Variants in INAVA observed in about 807,000 individuals in gnomAD.
The protein encoded by INAVA is innate immunity activator protein.
INAVA carries 32 observed loss-of-function variants against 55.3 expected under a neutral mutation model. The observed-to-expected ratio is 0.58, with a 90% CI of 0.44 to 0.78. INAVA has a LOEUF of 0.78. Among genes scored for constraint, INAVA ranks in the 30% least tolerant of loss-of-function variants. The pLI, the probability that INAVA is intolerant of heterozygous loss-of-function variation, is 0.00. For synonymous variants in INAVA, 294 were observed against 329.4 expected, an observed-to-expected ratio of 0.89 and a Z score of 1.16; for missense variants, 756 against 786.4, an observed-to-expected ratio of 0.96 and a Z score of 0.46.
At chr1:200,912,212 T>C in intron 9 of INAVA, 75 bp downstream of exon 9, 1 of 1,340,074 alleles carries the variant, frequency 7.5e-7, no homozygotes, top group East Asian at 2.5e-5. Context: ...AATTCTAGTA[T>C]GTCCAAGGGT....
chr1:200,901,148 C>T lies in INAVA; in HGVS notation c.509C>T (p.Pro170Leu), dbSNP rs750580083. 68 of 1,515,792 alleles carry T rather than the reference C, an allele frequency of 4.5e-5. No homozygotes were observed. Among genetic ancestry groups the T allele is most frequent in the Non-Finnish European group, 5.4e-5 (61 of 1,134,128 alleles). 93.9% of individuals were successfully genotyped at this position (1,515,792 alleles called of 1,614,324 possible). A position where few individuals can be genotyped will look rare whatever the true frequency, so the allele number is the denominator to read the frequency against. The change falls in exon 5 of 10, where the codon CCC becomes CTC. Residue 170 changes from proline to leucine, a missense_variant. Transcript: ENST00000413687. ...NSEPPPAAAL[P>L]LGRELSASDD... ...GAGCCACCTCCGGCTGCTGCTCTCC[C>T]CCTGGGCCGAGGTGAGCCGGCTGCC...
rs772851569 is a variant in INAVA at position 200,909,367 on chromosome 1, A to T, written c.929A>T (p.Gln310Leu). Residue 310 changes from glutamine to leucine, a missense_variant, in exon 8 of 10, where the codon CAG (glutamine) becomes CTG (leucine). Physicochemically the swap from Gln to Leu is moderately radical, Grantham distance 113 (BLOSUM62 -2). This residue lies in a region of INAVA where 639 missense variants were observed against 624.3 expected (regional missense o/e 1.02). Transcript: ENST00000413687. Reference protein sequence around the residue: ...RTSAPATPEIQGRRGQSQSLR... With the variant: ...RTSAPATPEILGRRGQSQSLR... Reference sequence around the variant, plus strand: ...AGTGCCCCAGCCACCCCTGAGATACAGGGGAGGAGGGGCCAGTCGCAGTCT... The same window carrying T: ...AGTGCCCCAGCCACCCCTGAGATACTGGGGAGGAGGGGCCAGTCGCAGTCT... 6.2e-7 allele frequency: 1 copy of T among 1,605,968 alleles called. No homozygotes were observed. Among genetic ancestry groups the T allele is most frequent in the African/African-American group, 1.3e-5 (1 of 74,750 alleles).
chr1:200,900,911 A>G (rs1347109157), intron 4 of INAVA, 26 bp from the exon 5 acceptor site: 1 of 1,511,756 alleles, frequency 6.6e-7, no homozygotes, highest in African/African-American at 1.4e-5. Context: ...GCCTCTCTCT[A>G]GCCTCACTCC....
intron 1 of INAVA, among the ~76,000 whole-genome samples, chr1:200,895,712 A>C (rs894019198): frequency 1.3e-5 from 2 of 152,190 alleles, no homozygotes. Context: ...AGGGTCCGCT[A>C]TGTGGCTGTA....
chr1:200,893,419 G>A (rs574584844), upstream of INAVA, among the ~76,000 whole-genome samples: 3 of 152,328 alleles, frequency 2.0e-5, no homozygotes, highest in South Asian at 6.2e-4. Context: ...ACCCCCACCT[G>A]GAGCTGGAGA....
At chr1:200,906,454 G>A (rs755004251) in intron 5 of INAVA, 1 of 151,136 alleles carries the variant, frequency 6.6e-6, no homozygotes, top group Non-Finnish European at 1.5e-5. Flanking sequence ...GGGAGGTGGA[G>A]GTTGCAGTGA....
intron 2 of INAVA, among the ~76,000 whole-genome samples, chr1:200,898,781 T>C (rs991527033): frequency 1.3e-5 from 2 of 152,222 alleles, no homozygotes; most frequent in African/African-American, 4.8e-5. Context: ...GGCTCATGCC[T>C]GTAATCCCAG....
At chr1:200,911,335 G>A (rs1653711776) in intron 8 of INAVA, 118 bp from the exon 9 acceptor site, 2 of 958,112 alleles carry the variant, frequency 2.1e-6, no homozygotes, top group South Asian at 3.0e-5. Context: ...TTGCACGAGG[G>A]CCATGCTTGG....
chr1:200,909,594 CA>C (rs1447637945), intron 8 of INAVA, among the ~76,000 whole-genome samples, 197 bp downstream of exon 8: 3 of 152,206 alleles, frequency 2.0e-5, no homozygotes, highest in Non-Finnish European at 4.4e-5. Flanking sequence ...ATCCATGAAG[CA>C]AGTGGTTTTC....
At chr1:200,897,710 C>G (rs1211231947) in intron 1 of INAVA, among the ~76,000 whole-genome samples, 2 of 151,988 alleles carry the variant, frequency 1.3e-5, no homozygotes, top group Admixed American at 6.5e-5. Flanking sequence ...CTCACTGCAG[C>G]CTTGACTTCT....
intron 5 of INAVA, 22 bp downstream of exon 5, chr1:200,901,181 G>T (rs1340302178): frequency 6.7e-7 from 1 of 1,483,312 alleles, no homozygotes; most frequent in Admixed American, 2.2e-5. Context: ...GCCCTGAGGG[G>T]GGCCATGCTC....
intron 5 of INAVA, chr1:200,906,574 A>G (rs1653501631): frequency 6.6e-6 from 1 of 152,128 alleles, no homozygotes; most frequent in Non-Finnish European, 1.5e-5. Flanking sequence ...GCAATAGCAC[A>G]AATGAGTTCC....
In INAVA at chr1:200,900,937, G is replaced by A. The variant is rs1186716141; in HGVS notation, c.298G>A (p.Asp100Asn). ...KLDDWALHRE[D>N]PLSSLERQLA... ...GCCTCACTCCTGCCCCCTCTCTCAGGACCCCCTAAGCAGCCTGGAGCGCCA... is the reference window on the plus strand; with the variant it reads ...GCCTCACTCCTGCCCCCTCTCTCAGAACCCCCTAAGCAGCCTGGAGCGCCA... Residue 100 changes from aspartate to asparagine, a missense_variant and splice_region_variant, in exon 5 of 10, where the codon GAC (aspartate) becomes AAC (asparagine). Coordinates refer to ENST00000413687, the MANE Select transcript of INAVA (RefSeq NM_001142569.3). The A allele has an allele frequency of 9.7e-6, 15 of 1,542,154 alleles. No individual in the cohort carries two copies. Among genetic ancestry groups the A allele is most frequent in the Non-Finnish European group, 1.3e-5 (15 of 1,140,938 alleles).
At position 200,913,533 on chromosome 1, in the gene INAVA, G is replaced by A. The variant is rs1345470430; in HGVS notation, c.1645-4G>A. On this transcript the variant is annotated splice_region_variant and splice_polypyrimidine_tract_variant and intron_variant, in intron 9 of 9. Coordinates refer to ENST00000413687, the MANE Select transcript of INAVA (RefSeq NM_001142569.3). Reference sequence around the variant, plus strand: ...CACCTGTCCTTTCTTCCTGACCCTGGCAGGTGCCCACAGTTTGTGTGCTGC... The same window carrying A: ...CACCTGTCCTTTCTTCCTGACCCTGACAGGTGCCCACAGTTTGTGTGCTGC... The A allele has an allele frequency of 6.2e-7, 1 of 1,613,624 alleles. No homozygotes were observed. The highest frequency in any genetic ancestry group is 1.7e-5 in the Admixed American group (1 of 59,990).
upstream of INAVA, chr1:200,891,644 C>A: frequency 6.6e-7 from 1 of 1,515,090 alleles, no homozygotes; most frequent in Non-Finnish European, 8.8e-7. Context: ...CCTGAAGCTG[C>A]GAGGCTGGAG....
chr1:200,891,768 C>T, upstream of INAVA: 1 of 1,226,596 alleles, frequency 8.2e-7, no homozygotes, highest in Non-Finnish European at 1.1e-6. Context: ...CCCCTGAACC[C>T]ACGGTCTTCA....
At chr1:200,901,226 G>C in intron 5 of INAVA, 67 bp downstream of exon 5, 2 of 1,390,156 alleles carry the variant, frequency 1.4e-6, no homozygotes, top group Non-Finnish European at 1.9e-6. Context: ...TGGGCGCACA[G>C]CCCCGTGCCA....
chr1:200,908,584 A>G (rs1653585822), intron 6 of INAVA, 146 bp from the exon 7 acceptor site: 2 of 680,962 alleles, frequency 2.9e-6, no homozygotes, highest in Non-Finnish European at 5.0e-6. Context: ...ATGTTTGAGC[A>G]TCTAGGGCTG....
At chr1:200,905,257 C>A (rs1400460188) in intron 5 of INAVA, among the ~76,000 whole-genome samples, 4 of 152,090 alleles carry the variant, frequency 2.6e-5, no homozygotes, top group Admixed American at 2.6e-4. Flanking sequence ...CATTAAATTG[C>A]GGAGCAGGCT....
Sources: allele counts gnomAD v4.1 joint callset (sites outside exome capture counted in the v4.1 genomes callset), GRCh38; gene constraint gnomAD v4.1.1; regional missense constraint gnomAD v4.1.1; transcripts MANE v1.5; gene names NCBI Gene and HGNC (gene_info 2026-07-23, HGNC 2026-07-21).